Variants in RAPGEF4 observed in about 807,000 individuals in gnomAD.
The protein encoded by RAPGEF4 is Rap guanine nucleotide exchange factor 4.
A neutral mutation model predicts 147.9 loss-of-function variants in RAPGEF4; 66 were observed. That is an observed-to-expected ratio of 0.45 (90% CI 0.37 to 0.55). RAPGEF4 has a LOEUF of 0.55. Ranked by LOEUF, RAPGEF4 falls within the 20% of genes least tolerant of loss-of-function variation. RAPGEF4 has a pLI of 0.00. For synonymous variants in RAPGEF4, 419 were observed against 442.7 expected, an observed-to-expected ratio of 0.95 and a Z score of 0.67; for missense variants, 1,071 against 1,257.3, an observed-to-expected ratio of 0.85 and a Z score of 2.24.
chr2:172,756,894 T>C (rs920997424), intron 1 of RAPGEF4, among the ~76,000 whole-genome samples: 5 of 152,236 alleles, frequency 3.3e-5, no homozygotes, highest in African/African-American at 9.6e-5. Context: ...GCCTGATGAC[T>C]CTTGGAAGTA....
At chr2:172,949,872 T>G (rs1420566764) in intron 6 of RAPGEF4, among the ~76,000 whole-genome samples, 1 of 152,228 alleles carries the variant, frequency 6.6e-6, no homozygotes, top group Non-Finnish European at 1.5e-5. Context: ...TATTGTAAGT[T>G]TGTTACTGTG....
intron 4 of RAPGEF4, among the ~76,000 whole-genome samples, chr2:172,894,994 G>C (rs1698325961): frequency 6.6e-6 from 1 of 151,836 alleles, no homozygotes; most frequent in African/African-American, 2.4e-5. Flanking sequence ...AGAATGCCAA[G>C]CAGAAGAACT....
intron 29 of RAPGEF4, among the ~76,000 whole-genome samples, chr2:173,039,885 T>G (rs1220543801): frequency 6.6e-6 from 1 of 152,084 alleles, no homozygotes; most frequent in African/African-American, 2.4e-5. Context: ...CATAAGAAAG[T>G]TTGATTTTAG....
intron 6 of RAPGEF4, among the ~76,000 whole-genome samples, chr2:172,954,070 T>G (rs866311644): frequency 2.0e-5 from 3 of 152,124 alleles, no homozygotes; most frequent in South Asian, 2.1e-4. Flanking sequence ...AAGGAGACCC[T>G]TTTTTGGCTC....
intron 10 of RAPGEF4, among the ~76,000 whole-genome samples, chr2:172,977,544 C>G (rs894151716): frequency 3.3e-5 from 5 of 152,024 alleles, no homozygotes; most frequent in Non-Finnish European, 7.4e-5. Flanking sequence ...CTCCGAGAGG[C>G]TGGGCTGGTT....
intron 6 of RAPGEF4, among the ~76,000 whole-genome samples, chr2:172,933,943 T>G (rs1686249058): frequency 6.6e-6 from 1 of 152,180 alleles, no homozygotes; most frequent in African/African-American, 2.4e-5. Context: ...TTTAAATGGC[T>G]ATGGCCTGCT....
intron 1 of RAPGEF4, among the ~76,000 whole-genome samples, chr2:172,780,428 A>G (rs1194789746): frequency 6.6e-6 from 1 of 152,248 alleles, no homozygotes; most frequent in East Asian, 1.9e-4. Flanking sequence ...AAAGTTTGTT[A>G]TGTAGAGTCC....
At position 172,746,363 on chromosome 2, in the gene RAPGEF4, C is replaced by G. The variant is rs1030006276; in HGVS notation, c.65+10315C>G. 2.1e-4 allele frequency among the ~76,000 whole-genome samples: 32 copies of G among 152,220 alleles called. 1 individual carries two copies. The highest frequency in any genetic ancestry group is 7.2e-4 in the African/African-American group (30 of 41,534). On this transcript the variant is annotated intron_variant, in intron 1 of 30. Transcript: ENST00000397081. ...GGATGTGGGGGCACGGGTGTATTCT[C>G]AAGGAGGAATATTGGTGCCACTCTA...
At chr2:172,757,929 T>A (rs1695930662) in intron 1 of RAPGEF4, among the ~76,000 whole-genome samples, 1 of 152,198 alleles carries the variant, frequency 6.6e-6, no homozygotes, top group Non-Finnish European at 1.5e-5. Flanking sequence ...CTCATGGAGC[T>A]TACATTCTAA....
intron 21 of RAPGEF4, 118 bp from the exon 22 acceptor site, chr2:173,018,538 A>T (rs1030121451): frequency 1.8e-6 from 2 of 1,096,106 alleles, no homozygotes; most frequent in Admixed American, 2.2e-5. Context: ...GAATAAATAC[A>T]GTAACAAAAA....
chr2:172,968,876 C>A (rs1285545988), intron 10 of RAPGEF4, among the ~76,000 whole-genome samples: 1 of 152,192 alleles, frequency 6.6e-6, no homozygotes, highest in Non-Finnish European at 1.5e-5. Context: ...TCTTTCTTGT[C>A]CCCTCTTGTC....
chr2:172,768,725 G>C (rs16860857), intron 1 of RAPGEF4, among the ~76,000 whole-genome samples: 2,766 of 152,222 alleles, frequency 0.018, 88 homozygotes, highest in African/African-American at 0.063. Flanking sequence ...GTCCCTTATT[G>C]CACATTAAAA....
chr2:172,813,068 C>A (rs1275653267), intron 3 of RAPGEF4, among the ~76,000 whole-genome samples: 4 of 152,184 alleles, frequency 2.6e-5, no homozygotes, highest in African/African-American at 9.7e-5. Context: ...TTTTCCCTAA[C>A]ATAATTTTAT....
chr2:172,922,941 G>C (rs1278574682), intron 6 of RAPGEF4, among the ~76,000 whole-genome samples: 1 of 152,116 alleles, frequency 6.6e-6, no homozygotes, highest in African/African-American at 2.4e-5. Context: ...AACATGGAAG[G>C]GTTAACGATA....
At chr2:172,756,098 C>T (rs1462168395) in intron 1 of RAPGEF4, among the ~76,000 whole-genome samples, 3 of 152,102 alleles carry the variant, frequency 2.0e-5, no homozygotes, top group Admixed American at 2.0e-4. Context: ...TAGTTCCAAC[C>T]CTACTTCATA....
chr2:172,854,810 T>A (rs1693233458), intron 4 of RAPGEF4, among the ~76,000 whole-genome samples: 1 of 151,832 alleles, frequency 6.6e-6, no homozygotes, highest in African/African-American at 2.4e-5. Flanking sequence ...AAAGAGAGAG[T>A]TTGTTACCTG....
chr2:172,836,302 AG>A (rs1690916365), intron 4 of RAPGEF4, among the ~76,000 whole-genome samples: 1 of 152,180 alleles, frequency 6.6e-6, no homozygotes, highest in Non-Finnish European at 1.5e-5. Context: ...GGCAATTTCC[AG>A]GAGAAATGCC....
intron 30 of RAPGEF4, among the ~76,000 whole-genome samples, chr2:173,049,005 T>C (rs1309301863): frequency 6.6e-6 from 1 of 152,226 alleles, no homozygotes; most frequent in Non-Finnish European, 1.5e-5. Flanking sequence ...TTGCTCCATG[T>C]TGAGAAACTC....
chr2:173,014,265 A>G lies in RAPGEF4; in HGVS notation c.1659-199A>G, dbSNP rs139290092. 3.4e-3 allele frequency among the ~76,000 whole-genome samples: 520 copies of G among 152,282 alleles called. 5 individuals are homozygous for G. The highest frequency in any genetic ancestry group is 0.024 in the Middle Eastern group (7 of 294). ...ATCCCTTGGGCAACTATCAGGCCAG[A>G]GTCAGCAGGAGTAAACAAGGAATTG... On this transcript the variant is annotated intron_variant, in intron 17 of 30. Coordinates refer to ENST00000397081, the MANE Select transcript of RAPGEF4 (RefSeq NM_007023.4).
Sources: allele counts gnomAD v4.1 joint callset (sites outside exome capture counted in the v4.1 genomes callset), GRCh38; gene constraint gnomAD v4.1.1; transcripts MANE v1.5; gene names NCBI Gene and HGNC (gene_info 2026-07-23, HGNC 2026-07-21).